ASCC3: variants seen among roughly 807,000 people sequenced by gnomAD.
ASCC3 encodes the protein ASC-1 complex subunit P200.
Under a neutral mutation model 256.3 loss-of-function variants are expected in ASCC3, and 158 were observed. That is an observed-to-expected ratio of 0.62 (90% CI 0.54 to 0.70). The LOEUF (loss-of-function observed/expected upper bound fraction) is 0.70, where lower values mean the gene tolerates loss of function less well. Ranked by LOEUF, ASCC3 falls within the 30% of genes least tolerant of loss-of-function variation. ASCC3 has a pLI of 0.00. For synonymous variants in ASCC3, 948 were observed against 883.4 expected (o/e 1.07, Z -1.30); for missense variants, 2,259 against 2,626.0 (o/e 0.86, Z 3.05).
intron 4 of ASCC3, among the ~76,000 whole-genome samples, chr6:100,828,679 G>A (rs1771456478): frequency 6.6e-6 from 1 of 152,114 alleles, no homozygotes. Context: ...GGAGTTGTTC[G>A]TTCCTCCCAG....
At chr6:100,720,618 G>T (rs536835557) in intron 11 of ASCC3, among the ~76,000 whole-genome samples, 31 of 151,868 alleles carry the variant, frequency 2.0e-4, no homozygotes, top group African/African-American at 6.7e-4. Flanking sequence ...AGCTGATGAA[G>T]ATGTAGAAGT....
At chr6:100,727,322 T>C (rs114843347) in intron 10 of ASCC3, among the ~76,000 whole-genome samples, 2,249 of 152,080 alleles carry the variant, frequency 0.015, 49 homozygotes, top group African/African-American at 0.051. Context: ...ATGAAGAACG[T>C]CACGCCCAAA....
chr6:100,634,124 AAC>A (rs377516857), intron 25 of ASCC3, among the ~76,000 whole-genome samples: 2 of 152,158 alleles, frequency 1.3e-5, no homozygotes, highest in African/African-American at 4.8e-5. Context: ...GTTTTTACTT[AAC>A]ACATAATAAT....
intron 36 of ASCC3, among the ~76,000 whole-genome samples, chr6:100,584,859 A>C (rs1223198265): frequency 1.3e-5 from 2 of 151,978 alleles, no homozygotes; most frequent in Non-Finnish European, 2.9e-5. Flanking sequence ...GTTTGGCTGG[A>C]TATGAAATTC....
At chr6:100,548,955 T>C (rs1582429431) in intron 36 of ASCC3, among the ~76,000 whole-genome samples, 1 of 152,038 alleles carries the variant, frequency 6.6e-6, no homozygotes, top group East Asian at 1.9e-4. Context: ...GAGTAAGAGA[T>C]GAACAACAAT....
At chr6:100,870,358 C>T (rs920822390) in intron 1 of ASCC3, among the ~76,000 whole-genome samples, 2 of 102,300 alleles carry the variant, frequency 2.0e-5, no homozygotes, top group Non-Finnish European at 4.2e-5. Flanking sequence ...AGTGAGAGTC[C>T]GTCTCAAAAA....
intron 13 of ASCC3, among the ~76,000 whole-genome samples, chr6:100,695,432 T>G (rs1348984877): frequency 6.6e-6 from 1 of 152,164 alleles, no homozygotes; most frequent in African/African-American, 2.4e-5. Flanking sequence ...CCTTGGGTCT[T>G]GTTGGAAGGT....
intron 13 of ASCC3, among the ~76,000 whole-genome samples, chr6:100,685,445 GATCAGCAGC>G (rs919606351): frequency 2.0e-5 from 3 of 152,164 alleles, no homozygotes; most frequent in African/African-American, 7.2e-5. Context: ...GTGGTTCCCT[GATCAGCAGC>G]ATCAGCAGCA....
chr6:100,822,489 A>T (rs1444425557), intron 4 of ASCC3, among the ~76,000 whole-genome samples: 5 of 151,050 alleles, frequency 3.3e-5, no homozygotes, highest in Non-Finnish European at 1.5e-5. Context: ...GTGATCCAAG[A>T]TCGCGCCACT....
intron 4 of ASCC3, among the ~76,000 whole-genome samples, chr6:100,839,829 T>G (rs1401421546): frequency 1.3e-5 from 2 of 152,208 alleles, no homozygotes; most frequent in Non-Finnish European, 2.9e-5. Flanking sequence ...TCACTGGAGC[T>G]TTCTCTTTAA....
intron 24 of ASCC3, among the ~76,000 whole-genome samples, chr6:100,639,052 C>A (rs1774986028): frequency 1.3e-5 from 2 of 152,104 alleles, no homozygotes; most frequent in African/African-American, 2.4e-5. Context: ...GCCCTATAAG[C>A]CAACTATAAT....
chr6:100,566,949 A>T (rs1770287149), intron 36 of ASCC3, among the ~76,000 whole-genome samples: 1 of 152,062 alleles, frequency 6.6e-6, no homozygotes, highest in African/African-American at 2.4e-5. Flanking sequence ...GATGCCTAGG[A>T]TCTCCATCTT....
At chr6:100,591,488 A>G (rs1269277812) in intron 34 of ASCC3, among the ~76,000 whole-genome samples, 1 of 152,098 alleles carries the variant, frequency 6.6e-6, no homozygotes, top group East Asian at 1.9e-4. Flanking sequence ...CTAAGCCTAT[A>G]AATTTTCCAA....
At chr6:100,676,780 A>AGTGTGAGT in intron 14 of ASCC3, among the ~76,000 whole-genome samples, 1 of 151,834 alleles carries the variant, frequency 6.6e-6, no homozygotes, top group Admixed American at 6.6e-5. Flanking sequence ...ACACACACAC[A>AGTGTGAGT]CACAAAAGGA....
chr6:100,844,055 C>T (rs998653879), intron 4 of ASCC3, among the ~76,000 whole-genome samples: 4 of 150,266 alleles, frequency 2.7e-5, no homozygotes, highest in African/African-American at 7.4e-5. Context: ...TGCCCATAGT[C>T]GATAAGACAT....
intron 1 of ASCC3, among the ~76,000 whole-genome samples, chr6:100,876,864 C>T (rs185078357): frequency 8.7e-4 from 132 of 152,158 alleles, no homozygotes; most frequent in African/African-American, 2.6e-3. Flanking sequence ...ATTAAACATA[C>T]GTACAGGTAA....
At chr6:100,746,973 C>T (rs1780708031) in intron 10 of ASCC3, among the ~76,000 whole-genome samples, 1 of 152,008 alleles carries the variant, frequency 6.6e-6, no homozygotes, top group Admixed American at 6.5e-5. Flanking sequence ...AAAAGGCAAA[C>T]CTACTAGTTG....
At chr6:100,663,495 C>T (rs1776326364) in intron 14 of ASCC3, among the ~76,000 whole-genome samples, 1 of 152,004 alleles carries the variant, frequency 6.6e-6, no homozygotes, top group East Asian at 1.9e-4. Flanking sequence ...ATCAGATTGA[C>T]TGTTTAAGTA....
chr6:100,587,764 C>T (rs1771779517), intron 36 of ASCC3, among the ~76,000 whole-genome samples: 1 of 152,142 alleles, frequency 6.6e-6, no homozygotes, highest in Non-Finnish European at 1.5e-5. Flanking sequence ...ACCGGCATAA[C>T]TGGTTTTATA....
Sources: allele counts gnomAD v4.1 joint callset (sites outside exome capture counted in the v4.1 genomes callset), GRCh38; gene constraint gnomAD v4.1.1; transcripts MANE v1.5; gene names NCBI Gene and HGNC (gene_info 2026-07-23, HGNC 2026-07-21).